The following SDC2 variants were observed in gnomAD, a reference collection of about 807,000 sequenced individuals.
SDC2 encodes syndecan-2.
SDC2 carries 13 observed loss-of-function variants against 22.2 expected under a neutral mutation model. That is an observed-to-expected ratio of 0.59 (90% CI 0.38 to 0.93). SDC2 has a LOEUF of 0.93. Among genes scored for constraint, SDC2 ranks in the 40% least tolerant of loss-of-function variants. The probability of loss-of-function intolerance (pLI) is 0.00; values close to 1 mark genes in which losing one functional copy is unlikely to be tolerated. For missense variants in SDC2, 235 were observed against 246.8 expected, an observed-to-expected ratio of 0.95 and a Z score of 0.32; for synonymous variants, 94 against 92.8, an observed-to-expected ratio of 1.01 and a Z score of -0.07.
chr8:96,507,727 A>G (rs1345648693), intron 1 of SDC2, among the ~76,000 whole-genome samples: 1 of 152,226 alleles, frequency 6.6e-6, no homozygotes, highest in Non-Finnish European at 1.5e-5. Flanking sequence ...GAAAACGAAC[A>G]TTCCTTGGAT....
At chr8:96,494,823 G>T (rs1308571030) in intron 1 of SDC2, among the ~76,000 whole-genome samples, 1 of 152,222 alleles carries the variant, frequency 6.6e-6, no homozygotes, top group African/African-American at 2.4e-5. Flanking sequence ...AAGTTCTGGG[G>T]AGATGGGGGC....
At chr8:96,544,702 A>G (rs1180299933) in intron 1 of SDC2, among the ~76,000 whole-genome samples, 2 of 152,180 alleles carry the variant, frequency 1.3e-5, no homozygotes, top group Non-Finnish European at 2.9e-5. Flanking sequence ...ACAGTGCCAC[A>G]TCCCTTGGAA....
rs1045335850 is a variant in SDC2, at chr8:96,610,446, C to G, written c.*898C>G. 6.6e-6 allele frequency: 1 copy of G among 152,436 alleles called. No homozygotes were observed. The highest frequency in any genetic ancestry group is 1.5e-5 in the Non-Finnish European group (1 of 68,004). The allele number at this position is 152,436 out of a possible 1,614,324, so 9.4% of individuals were successfully genotyped here. On this transcript the variant is annotated 3_prime_UTR_variant, in exon 5 of 5. Transcript: ENST00000302190. ...TTTAAGTTGTAAACGTCTTTTTAAGCCTTTGAAGTGCCTCTGATTCTATGT... is the reference window on the plus strand; with the variant it reads ...TTTAAGTTGTAAACGTCTTTTTAAGGCTTTGAAGTGCCTCTGATTCTATGT...
intron 1 of SDC2, among the ~76,000 whole-genome samples, chr8:96,538,211 T>A (rs1017466554): frequency 6.6e-6 from 1 of 152,116 alleles, no homozygotes; most frequent in Admixed American, 6.5e-5. Context: ...CCACCCTCCT[T>A]AGCCTCCCAA....
At chr8:96,534,151 C>A (rs1813713694) in intron 1 of SDC2, among the ~76,000 whole-genome samples, 3 of 152,216 alleles carry the variant, frequency 2.0e-5, no homozygotes, top group Admixed American at 1.3e-4. Flanking sequence ...CTCTGACCTG[C>A]AAGCGCCGTG....
chr8:96,507,823 C>T (rs1813265335), intron 1 of SDC2, among the ~76,000 whole-genome samples: 1 of 152,146 alleles, frequency 6.6e-6, no homozygotes, highest in Non-Finnish European at 1.5e-5. Flanking sequence ...TACCCAATTC[C>T]TTTTGCCAAT....
At chr8:96,566,244 G>A (rs1433811033) in intron 1 of SDC2, among the ~76,000 whole-genome samples, 3 of 152,208 alleles carry the variant, frequency 2.0e-5, no homozygotes. Flanking sequence ...ATTTAAAAAT[G>A]CATATTATGT....
At chr8:96,495,112 G>A (rs1004573473) in intron 1 of SDC2, among the ~76,000 whole-genome samples, 5 of 152,170 alleles carry the variant, frequency 3.3e-5, no homozygotes, top group Non-Finnish European at 5.9e-5. Flanking sequence ...TTACACGGGA[G>A]TGCCGCAAGC....
chr8:96,558,593 T>C (rs532748706), intron 1 of SDC2, among the ~76,000 whole-genome samples: 1 of 152,310 alleles, frequency 6.6e-6, no homozygotes, highest in African/African-American at 2.4e-5. Flanking sequence ...TAAATTGATA[T>C]CTGTTTCTGA....
chr8:96,606,699 C>T (rs1210801523), intron 3 of SDC2, among the ~76,000 whole-genome samples: 2 of 152,072 alleles, frequency 1.3e-5, no homozygotes, highest in African/African-American at 4.8e-5. Flanking sequence ...TGATGTGGAT[C>T]AGCGTAACCT....
chr8:96,538,198 G>T (rs1295496437), intron 1 of SDC2, among the ~76,000 whole-genome samples: 1 of 152,126 alleles, frequency 6.6e-6, no homozygotes, highest in Admixed American at 6.6e-5. Context: ...CTGACCTTGT[G>T]ATCCACCCTC....
intron 1 of SDC2, among the ~76,000 whole-genome samples, chr8:96,518,526 A>G (rs1309844621): frequency 6.6e-6 from 1 of 151,878 alleles, no homozygotes; most frequent in Non-Finnish European, 1.5e-5. Context: ...AGGCCCGGCT[A>G]ATTTTTGTAT....
chr8:96,520,047 A>G (rs993768874), intron 1 of SDC2, among the ~76,000 whole-genome samples: 2 of 152,258 alleles, frequency 1.3e-5, no homozygotes, highest in Non-Finnish European at 2.9e-5. Flanking sequence ...ATGATTTCTC[A>G]TAACATGCCT....
intron 1 of SDC2, among the ~76,000 whole-genome samples, chr8:96,563,292 A>C (rs952400229): frequency 6.6e-6 from 1 of 151,974 alleles, no homozygotes; most frequent in African/African-American, 2.4e-5. Flanking sequence ...AATTTTCAAG[A>C]GCTCCCAATT....
intron 3 of SDC2, 97 bp from the exon 4 acceptor site, chr8:96,608,237 TG>T (rs1293102868): frequency 3.5e-5 from 39 of 1,120,786 alleles, no homozygotes; most frequent in Middle Eastern, 2.1e-4. Flanking sequence ...ACTCATTCTT[TG>T]GGGGAAAAAA....
intron 2 of SDC2, among the ~76,000 whole-genome samples, chr8:96,601,816 A>G (rs1483406441): frequency 6.6e-6 from 1 of 151,214 alleles, no homozygotes; most frequent in Non-Finnish European, 1.5e-5. Flanking sequence ...CTGGAATGCA[A>G]TGGTGTGACC....
At chr8:96,585,722 A>G (rs1045942545) in intron 1 of SDC2, among the ~76,000 whole-genome samples, 1 of 152,202 alleles carries the variant, frequency 6.6e-6, no homozygotes, top group Non-Finnish European at 1.5e-5. Context: ...CAAACACTGT[A>G]GGAAGAAAAA....
intron 1 of SDC2, chr8:96,538,618 GT>G (rs1472144532): frequency 6.6e-6 from 1 of 152,222 alleles, no homozygotes; most frequent in African/African-American, 2.4e-5. Flanking sequence ...ATGCTGGGAA[GT>G]TTGTTAATTG....
At chr8:96,507,409 G>T (rs1447840178) in intron 1 of SDC2, among the ~76,000 whole-genome samples, 1 of 152,180 alleles carries the variant, frequency 6.6e-6, no homozygotes. Flanking sequence ...GTGGTTAGTG[G>T]GTTTTGTGCA....
Sources: allele counts gnomAD v4.1 joint callset (sites outside exome capture counted in the v4.1 genomes callset), GRCh38; gene constraint gnomAD v4.1.1; transcripts MANE v1.5; gene names NCBI Gene and HGNC (gene_info 2026-07-23, HGNC 2026-07-21).